SLC26A7: variants seen among roughly 807,000 people sequenced by gnomAD.
The protein encoded by SLC26A7 is anion exchange transporter.
Under a neutral mutation model 82.5 loss-of-function variants are expected in SLC26A7, and 59 were observed. That is an observed-to-expected ratio of 0.72 (90% CI 0.58 to 0.89). The LOEUF is 0.89. Among genes scored for constraint, SLC26A7 ranks in the 40% least tolerant of loss-of-function variants. SLC26A7 has a pLI of 0.00. For synonymous variants in SLC26A7, 271 were observed against 274.3 expected (o/e 0.99, Z 0.12); for missense variants, 820 against 793.0 (o/e 1.03, Z -0.41).
In SLC26A7 at chr8:91,394,193, A is replaced by G. The variant is rs747248147; in HGVS notation, c.1935+154A>G. The G allele has an allele frequency of 1.9e-6, 3 of 1,611,996 alleles. No homozygotes were observed. The South Asian group carries it at 3.3e-5, about 18-fold the overall frequency. On this transcript the variant is annotated intron_variant, in intron 18 of 18. Coordinates refer to ENST00000276609, the MANE Select transcript of SLC26A7 (RefSeq NM_052832.4). ...ACCTCAGACTTTCTATTACAGGTAA[A>G]AGAATGTTTCCATTCTTTTTTTAGG...
intron 1 of SLC26A7, among the ~76,000 whole-genome samples, chr8:91,214,265 G>A (rs1809995802): frequency 6.6e-6 from 1 of 152,166 alleles, no homozygotes; most frequent in Admixed American, 6.6e-5. Context: ...AAGGGAGCTG[G>A]TTTGGGAGGC....
At chr8:91,353,484 A>G (rs1339663681) in intron 11 of SLC26A7, among the ~76,000 whole-genome samples, 6 of 152,158 alleles carry the variant, frequency 3.9e-5, no homozygotes, top group African/African-American at 1.4e-4. Flanking sequence ...CATTAAGAGG[A>G]CCATGCTTGA....
At chr8:91,379,311 C>T (rs1365059866) in intron 15 of SLC26A7, among the ~76,000 whole-genome samples, 1 of 151,974 alleles carries the variant, frequency 6.6e-6, no homozygotes, top group Non-Finnish European at 1.5e-5. Flanking sequence ...TGGCTTTTTA[C>T]AAGCTTATTT....
intron 11 of SLC26A7, among the ~76,000 whole-genome samples, chr8:91,356,632 C>G (rs980066162): frequency 6.6e-6 from 1 of 152,072 alleles, no homozygotes; most frequent in African/African-American, 2.4e-5. Context: ...GATATTAGCC[C>G]TTTGTCAGAT....
chr8:91,252,403 T>C (rs1031582480), intron 2 of SLC26A7, among the ~76,000 whole-genome samples: 6 of 152,060 alleles, frequency 3.9e-5, no homozygotes, highest in African/African-American at 1.4e-4. Context: ...GATTTCCTAA[T>C]TGTTAAATAT....
chr8:91,393,899 C>G, intron 17 of SLC26A7, 37 bp from the exon 18 acceptor site: 1 of 1,611,998 alleles, frequency 6.2e-7, no homozygotes, highest in Non-Finnish European at 8.5e-7. Flanking sequence ...TTCTGCACTT[C>G]CACATGTATT....
intron 2 of SLC26A7, among the ~76,000 whole-genome samples, chr8:91,266,360 T>C (rs1464358621): frequency 6.6e-6 from 1 of 152,000 alleles, no homozygotes; most frequent in East Asian, 1.9e-4. Flanking sequence ...ATTATTCCAA[T>C]TTATGAACAT....
At chr8:91,281,769 A>G (rs1424588903) in intron 2 of SLC26A7, among the ~76,000 whole-genome samples, 3 of 152,168 alleles carry the variant, frequency 2.0e-5, no homozygotes, top group Non-Finnish European at 1.5e-5. Flanking sequence ...CCTATAAGCC[A>G]ACATTATCTG....
At chr8:91,211,191 GA>G (rs1190038283) in intron 1 of SLC26A7, among the ~76,000 whole-genome samples, 7 of 151,904 alleles carry the variant, frequency 4.6e-5, no homozygotes, top group Middle Eastern at 3.4e-3. Flanking sequence ...ATTATAAGAA[GA>G]AAAAATTTTT....
chr8:91,369,279 T>C (rs1288441726), intron 14 of SLC26A7, among the ~76,000 whole-genome samples: 1 of 152,068 alleles, frequency 6.6e-6, no homozygotes, highest in Non-Finnish European at 1.5e-5. Flanking sequence ...TTAACAAAAA[T>C]AGCAATAATA....
At chr8:91,381,340 C>T (rs1814665666) in intron 15 of SLC26A7, among the ~76,000 whole-genome samples, 1 of 151,998 alleles carries the variant, frequency 6.6e-6, no homozygotes, top group Non-Finnish European at 1.5e-5. Flanking sequence ...CAATATACAA[C>T]ATAATAAAAT....
intron 3 of SLC26A7, 37 bp downstream of exon 3, chr8:91,289,283 G>C (rs567505582): frequency 1.4e-6 from 2 of 1,480,438 alleles, no homozygotes; most frequent in Non-Finnish European, 1.9e-6. Flanking sequence ...AATGTTACTC[G>C]CAAAAAAGAC....
chr8:91,256,405 A>G (rs1029776586), intron 2 of SLC26A7, among the ~76,000 whole-genome samples: 2 of 152,106 alleles, frequency 1.3e-5, no homozygotes, highest in East Asian at 3.9e-4. Context: ...GCATAAGGAT[A>G]TGAGTTTACT....
At chr8:91,343,599 T>G (rs1210326216) in intron 9 of SLC26A7, 133 bp downstream of exon 9, 2 of 597,126 alleles carry the variant, frequency 3.3e-6, no homozygotes, top group Non-Finnish European at 5.6e-6. Context: ...TAAGTTGTTT[T>G]AAGAAAGTCC....
chr8:91,340,178 A>G (rs1177466184), intron 7 of SLC26A7, among the ~76,000 whole-genome samples: 2 of 152,200 alleles, frequency 1.3e-5, no homozygotes, highest in African/African-American at 4.8e-5. Context: ...CGTAAATGCC[A>G]GTTAAATGCA....
intron 16 of SLC26A7, 139 bp from the exon 17 acceptor site, chr8:91,393,658 T>C (rs763966512): frequency 3.4e-5 from 28 of 829,506 alleles, no homozygotes; most frequent in Non-Finnish European, 5.1e-5. Context: ...TGCCTGACTG[T>C]GTAACAATGC....
At chr8:91,342,368 C>A (rs1319053495) in intron 8 of SLC26A7, among the ~76,000 whole-genome samples, 3 of 152,192 alleles carry the variant, frequency 2.0e-5, no homozygotes, top group South Asian at 2.1e-4. Context: ...CTTTCCACCA[C>A]CACAGCTCTA....
chr8:91,301,368 T>C (rs1372476940), intron 4 of SLC26A7, among the ~76,000 whole-genome samples: 1 of 152,182 alleles, frequency 6.6e-6, no homozygotes, highest in Non-Finnish European at 1.5e-5. Flanking sequence ...TAAGATAATT[T>C]CTTGATGATC....
chr8:91,267,443 TA>T (rs1283223917), intron 2 of SLC26A7, among the ~76,000 whole-genome samples: 1 of 151,954 alleles, frequency 6.6e-6, no homozygotes, highest in African/African-American at 2.4e-5. Flanking sequence ...CATTACTAAT[TA>T]TTGGTCTGTT....
Sources: allele counts gnomAD v4.1 joint callset (sites outside exome capture counted in the v4.1 genomes callset), GRCh38; gene constraint gnomAD v4.1.1; transcripts MANE v1.5; gene names NCBI Gene and HGNC (gene_info 2026-07-23, HGNC 2026-07-21).